The following APBB2 variants were observed in gnomAD, a reference collection of about 807,000 sequenced individuals.
APBB2 encodes amyloid beta precursor protein binding family B member 2.
APBB2 carries 38 observed loss-of-function variants against 82.5 expected under a neutral mutation model. That is an observed-to-expected ratio of 0.46 (90% CI 0.36 to 0.60). APBB2 has a LOEUF of 0.60. Ranked by LOEUF, APBB2 falls within the 20% of genes least tolerant of loss-of-function variation. The probability of loss-of-function intolerance (pLI) is 0.00; values close to 1 mark genes in which losing one functional copy is unlikely to be tolerated. For missense variants in APBB2, 772 were observed against 972.3 expected (o/e 0.79, Z 2.74); for synonymous variants, 341 against 368.2 (o/e 0.93, Z 0.85).
intron 12 of APBB2, among the ~76,000 whole-genome samples, chr4:40,853,628 T>C (rs1760209915): frequency 6.6e-6 from 1 of 151,966 alleles, no homozygotes. Flanking sequence ...TTTTTTTTTT[T>C]GTATTTTTAG....
chr4:40,891,121 G>T (rs1191960502), intron 11 of APBB2, among the ~76,000 whole-genome samples: 1 of 152,226 alleles, frequency 6.6e-6, no homozygotes, highest in Non-Finnish European at 1.5e-5. Flanking sequence ...ATCCCAGTTA[G>T]CAGCTGGGGA....
At chr4:41,081,326 C>T (rs1381432469) in intron 3 of APBB2, among the ~76,000 whole-genome samples, 1 of 152,120 alleles carries the variant, frequency 6.6e-6, no homozygotes, top group Non-Finnish European at 1.5e-5. Flanking sequence ...ACAATCTAAT[C>T]ACCACAGCTC....
chr4:41,012,965 C>G (rs934040236), intron 6 of APBB2, among the ~76,000 whole-genome samples: 3 of 152,136 alleles, frequency 2.0e-5, no homozygotes, highest in African/African-American at 7.2e-5. Context: ...TCCAGAAAGA[C>G]TGGTCTCAAT....
intron 7 of APBB2, among the ~76,000 whole-genome samples, chr4:40,940,745 A>G (rs1196691448): frequency 1.3e-5 from 2 of 152,210 alleles, no homozygotes; most frequent in South Asian, 2.1e-4. Flanking sequence ...CGCCTTCTCC[A>G]TACTTTCTTC....
At chr4:41,187,752 C>T (rs1246250800) in intron 1 of APBB2, among the ~76,000 whole-genome samples, 1 of 152,158 alleles carries the variant, frequency 6.6e-6, no homozygotes, top group African/African-American at 2.4e-5. Flanking sequence ...AAAATCTAAA[C>T]TGAAAGATCC....
At chr4:40,870,535 T>C (rs1349803812) in intron 12 of APBB2, among the ~76,000 whole-genome samples, 2 of 152,144 alleles carry the variant, frequency 1.3e-5, no homozygotes, top group African/African-American at 2.4e-5. Context: ...AGAAGTCATA[T>C]AATCTGTACC....
chr4:41,113,948 G>A (rs1266948511), intron 2 of APBB2: 1 of 152,238 alleles, frequency 6.6e-6, no homozygotes, highest in East Asian at 1.9e-4. Context: ...ATTAGTGCTC[G>A]CTTCAGTAAC....
At chr4:40,838,421 C>A (rs531911312) in intron 12 of APBB2, among the ~76,000 whole-genome samples, 1 of 149,700 alleles carries the variant, frequency 6.7e-6, no homozygotes, top group Non-Finnish European at 1.5e-5. Flanking sequence ...CTGCAACCTC[C>A]GCCTCCCGGG....
At chr4:41,053,733 A>AT (rs1726885425) in intron 4 of APBB2, among the ~76,000 whole-genome samples, 1 of 152,282 alleles carries the variant, frequency 6.6e-6, no homozygotes, top group African/African-American at 2.4e-5. Flanking sequence ...CCCATGAAGT[A>AT]TATCTCCACG....
intron 12 of APBB2, among the ~76,000 whole-genome samples, chr4:40,874,654 G>A (rs1025689463): frequency 6.6e-6 from 1 of 152,170 alleles, no homozygotes; most frequent in Non-Finnish European, 1.5e-5. Flanking sequence ...GCCCTCTGAA[G>A]GTTCGCCGTT....
chr4:41,011,964 G>C (rs1808485128), intron 6 of APBB2, among the ~76,000 whole-genome samples: 1 of 152,162 alleles, frequency 6.6e-6, no homozygotes, highest in African/African-American at 2.4e-5. Context: ...CTGGTGTCAA[G>C]TGATCCTCCT....
chr4:40,824,129 G>A (rs1749025187), intron 15 of APBB2, among the ~76,000 whole-genome samples: 1 of 152,116 alleles, frequency 6.6e-6, no homozygotes, highest in South Asian at 2.1e-4. Context: ...TCCAGCCTGG[G>A]CAAGTATCAG....
chr4:41,086,553 A>G (rs1186344589), intron 3 of APBB2, among the ~76,000 whole-genome samples: 7 of 152,218 alleles, frequency 4.6e-5, no homozygotes, highest in Admixed American at 4.6e-4. Context: ...AACAGAACAA[A>G]GAGGAAAAAA....
At chr4:41,142,271 C>T (rs74893315) in intron 2 of APBB2, among the ~76,000 whole-genome samples, 3,924 of 152,272 alleles carry the variant, frequency 0.026, 121 homozygotes, top group African/African-American at 0.07. Flanking sequence ...TATATGTTTT[C>T]AAAATGAATT....
chr4:40,952,720 A>G (rs1189276391), intron 6 of APBB2, among the ~76,000 whole-genome samples: 2 of 152,234 alleles, frequency 1.3e-5, no homozygotes, highest in African/African-American at 4.8e-5. Context: ...CATCAATCCC[A>G]GCTAGAAGTC....
At chr4:41,177,274 T>G (rs975378383) in intron 1 of APBB2, among the ~76,000 whole-genome samples, 1 of 152,052 alleles carries the variant, frequency 6.6e-6, no homozygotes, top group Non-Finnish European at 1.5e-5. Flanking sequence ...GCAAACAAGA[T>G]CTACCACAGT....
rs1186168243 is a variant in APBB2 at position 40,832,437 on chromosome 4, A to G, written c.1530-1860T>C. ...CACCGGCAATCCACACATGACCCCA[A>G]CATTTCTCCTCCCAACCTACTCCTG... On this transcript the variant is annotated intron_variant, in intron 12 of 17. Coordinates refer to ENST00000508593, the MANE Select transcript of APBB2 (RefSeq NM_004307.2). The surrounding 1 kb of genome is among the most constrained non-coding windows in gnomAD (Gnocchi z 4.8). Among the ~76,000 whole-genome samples the G allele has an allele frequency of 3.3e-5, 5 of 152,074 alleles. No homozygotes were observed. The highest frequency in any genetic ancestry group is 2.6e-4 in the Admixed American group (4 of 15,270).
intron 10 of APBB2, among the ~76,000 whole-genome samples, chr4:40,927,324 G>C (rs1782867906): frequency 6.6e-6 from 1 of 152,118 alleles, no homozygotes; most frequent in Non-Finnish European, 1.5e-5. Context: ...AGCGGTCAGA[G>C]GCCCAGAAGA....
intron 6 of APBB2, among the ~76,000 whole-genome samples, chr4:40,996,121 G>A (rs1248290892): frequency 6.6e-6 from 1 of 152,196 alleles, no homozygotes; most frequent in South Asian, 2.1e-4. Flanking sequence ...CTTTCTACAA[G>A]TGGCCCCTTC....
Sources: allele counts gnomAD v4.1 joint callset (sites outside exome capture counted in the v4.1 genomes callset), GRCh38; gene constraint gnomAD v4.1.1; non-coding constraint Gnocchi (gnomAD v3.1); transcripts MANE v1.5; gene names NCBI Gene and HGNC (gene_info 2026-07-23, HGNC 2026-07-21).